Variants in DLC1 observed in about 807,000 individuals in gnomAD.
DLC1 encodes the protein DLC1 Rho GTPase activating protein, also known as rho GTPase-activating protein 7.
Under a neutral mutation model 140.3 loss-of-function variants are expected in DLC1, and 54 were observed. That is an observed-to-expected ratio of 0.38 (90% CI 0.31 to 0.48). The LOEUF (loss-of-function observed/expected upper bound fraction) is 0.48. Among genes scored for constraint, DLC1 ranks in the 20% least tolerant of loss-of-function variants. The pLI is 0.96. For missense variants in DLC1, 2,536 were observed against 1,907.0 expected (o/e 1.33, Z -6.14); for synonymous variants, 986 against 728.1 (o/e 1.35, Z -5.70).
intron 4 of DLC1, among the ~76,000 whole-genome samples, chr8:13,331,574 G>A (rs1427415466): frequency 6.6e-6 from 1 of 152,042 alleles, no homozygotes; most frequent in East Asian, 1.9e-4. Context: ...TGAATTCTGT[G>A]CACCATATAA....
intron 1 of DLC1, among the ~76,000 whole-genome samples, chr8:13,550,725 A>C (rs1803817280): frequency 6.6e-6 from 1 of 152,100 alleles, no homozygotes; most frequent in African/African-American, 2.4e-5. Flanking sequence ...CGAATCATTT[A>C]AGAAGACCAG....
At chr8:13,487,841 G>A (rs1383337734) in intron 2 of DLC1, among the ~76,000 whole-genome samples, 1 of 152,168 alleles carries the variant, frequency 6.6e-6, no homozygotes, top group Non-Finnish European at 1.5e-5. Context: ...AAAGTGCTGG[G>A]ATTACAGGCG....
At chr8:13,225,415 C>T (rs1828748803) in intron 5 of DLC1, among the ~76,000 whole-genome samples, 1 of 152,092 alleles carries the variant, frequency 6.6e-6, no homozygotes, top group South Asian at 2.1e-4. Context: ...GGGCAAATAT[C>T]TCATTCACCC....
intron 9 of DLC1, 97 bp downstream of exon 9, chr8:13,099,250 G>T (rs542147572): frequency 1.3e-6 from 2 of 1,506,226 alleles, no homozygotes; most frequent in Admixed American, 4.7e-5. Context: ...GGCTAAGAAT[G>T]CCAGACTTAA....
rs1451380078 is a variant in DLC1 at position 13,426,199 on chromosome 8, G to A, written c.1024-24580C>T. ...GTCCATGCTTAATATTCCAAATATTGTCTCTTAAATGACAGTTTTCTTTTG... is the reference window on the plus strand; with the variant it reads ...GTCCATGCTTAATATTCCAAATATTATCTCTTAAATGACAGTTTTCTTTTG... On this transcript the variant is annotated intron_variant, in intron 2 of 17. Transcript: ENST00000276297. 2.3e-5 allele frequency among the ~76,000 whole-genome samples: 3 copies of A among 130,556 alleles called. 1 individual carries two copies. The highest frequency in any genetic ancestry group is 5.2e-5 in the Non-Finnish European group (3 of 57,588). 85.6% of individuals were successfully genotyped at this position (130,556 alleles called of 152,430 possible). A position where few individuals can be genotyped will look rare whatever the true frequency, so the allele number is the denominator to read the frequency against.
chr8:13,330,312 T>C (rs958457568), intron 4 of DLC1, among the ~76,000 whole-genome samples: 1 of 152,142 alleles, frequency 6.6e-6, no homozygotes, highest in Admixed American at 6.5e-5. Flanking sequence ...ACTCATCTGA[T>C]ATCAAAATAA....
upstream of DLC1, among the ~76,000 whole-genome samples, chr8:13,517,787 C>T (rs951898042): frequency 6.6e-6 from 1 of 152,230 alleles, no homozygotes; most frequent in African/African-American, 2.4e-5. Context: ...CCAAAACTAA[C>T]AGCTTTTGTG....
chr8:13,501,196 A>T (rs971624364), intron 1 of DLC1, among the ~76,000 whole-genome samples: 4 of 152,196 alleles, frequency 2.6e-5, no homozygotes, highest in Non-Finnish European at 5.9e-5. Flanking sequence ...TTTAGTTTGC[A>T]TATTTCTGTT....
At chr8:13,459,470 G>A (rs60613739) in intron 2 of DLC1, among the ~76,000 whole-genome samples, 9,464 of 152,242 alleles carry the variant, frequency 0.062, 669 homozygotes, top group African/African-American at 0.17. Flanking sequence ...GCTGTATAAT[G>A]ACCAAGTAAC....
At chr8:13,518,756 C>T (rs892365858), upstream of DLC1, among the ~76,000 whole-genome samples, 11 of 151,936 alleles carry the variant, frequency 7.2e-5, no homozygotes, top group East Asian at 3.9e-4. Context: ...AGAATAAATA[C>T]CTTGAAAGTA....
At chr8:13,452,542 T>C (rs1799114867) in intron 2 of DLC1, among the ~76,000 whole-genome samples, 1 of 152,238 alleles carries the variant, frequency 6.6e-6, no homozygotes, top group Non-Finnish European at 1.5e-5. Flanking sequence ...ATAACTATCA[T>C]AGAACTATCA....
Position 13,095,328 on chromosome 8 carries a change from C to G in DLC1, c.3168-83G>C. The G allele has an allele frequency of 5.2e-6, 8 of 1,546,334 alleles. No individual in the cohort carries two copies. In the South Asian group the frequency reaches 9.3e-5, roughly 18 times the overall value. The stretch of plus-strand genomic sequence containing the variant: ...CACTTGTCCAATTCTGCAGGCAAAC[C>G]CTGTGGGCTCCAGATCTGTGCTAAT... On this transcript the variant is annotated intron_variant, in intron 10 of 17. Transcript: ENST00000276297.
intron 5 of DLC1, among the ~76,000 whole-genome samples, chr8:13,125,958 T>C (rs561554993): frequency 6.6e-6 from 1 of 152,240 alleles, no homozygotes; most frequent in South Asian, 2.1e-4. Flanking sequence ...AGTGACACTT[T>C]AGCCATGTAG....
intron 4 of DLC1, among the ~76,000 whole-genome samples, chr8:13,376,251 A>C (rs147404050): frequency 3.5e-4 from 53 of 152,328 alleles, no homozygotes; most frequent in African/African-American, 1.2e-3. Context: ...ACAGCAATGC[A>C]TGCAGTTATT....
chr8:13,120,467 T>A (rs1820966015), intron 5 of DLC1, among the ~76,000 whole-genome samples: 1 of 151,138 alleles, frequency 6.6e-6, no homozygotes, highest in Non-Finnish European at 1.5e-5. Flanking sequence ...TATATTACTT[T>A]GGACACGTTT....
rs149834564 is a variant in DLC1 at position 13,110,604 on chromosome 8, G to A, written c.1502+138C>T. 3 of 771,890 alleles carry A rather than the reference G, an allele frequency of 3.9e-6. No homozygotes were observed. The South Asian group carries it at 5.5e-5, about 14-fold the overall frequency. The allele number at this position is 771,890 out of a possible 1,614,324, so 47.8% of individuals were successfully genotyped here. On this transcript the variant is annotated intron_variant, in intron 7 of 17. Transcript: ENST00000276297. ...ATTTTACTTAGTTTTTAATTAAAAG[G>A]TCTATGATCACTCTATGGTTTGCCA...
Position 13,453,556 on chromosome 8 carries a change from A to AT in DLC1, c.1023+45492dup, listed in dbSNP as rs370075708. On this transcript the variant is annotated intron_variant, in intron 2 of 17. Coordinates refer to ENST00000276297, the MANE Select transcript of DLC1 (RefSeq NM_182643.3). ...TATATATACATATATATATATATATATTTTTTTTTTTTTTTTTTCAGATAG... is the reference window on the plus strand; with the variant it reads ...TATATATACATATATATATATATATATTTTTTTTTTTTTTTTTTTCAGATAG... Among the ~76,000 whole-genome samples, 255 of 26,898 alleles carry AT rather than the reference A, an allele frequency of 9.5e-3. 10 individuals are homozygous for AT. The highest frequency in any genetic ancestry group is 0.021 in the South Asian group (15 of 714). 17.6% of individuals were successfully genotyped at this position (26,898 alleles called of 152,430 possible).
intron 5 of DLC1, among the ~76,000 whole-genome samples, chr8:13,180,879 G>A (rs1825992256): frequency 1.3e-5 from 2 of 152,078 alleles, no homozygotes; most frequent in South Asian, 4.1e-4. Context: ...CAGACATAAA[G>A]TATATATGAG....
intron 5 of DLC1, among the ~76,000 whole-genome samples, chr8:13,184,741 G>T (rs955663635): frequency 6.6e-6 from 1 of 152,184 alleles, no homozygotes; most frequent in Non-Finnish European, 1.5e-5. Flanking sequence ...TTTAGAATAA[G>T]TGTGATGTGA....
Sources: gnomAD v4.1 joint callset for allele counts (sites outside exome capture counted in the v4.1 genomes callset) on GRCh38, gnomAD v4.1.1 for gene constraint, MANE v1.5 for transcripts, NCBI Gene and HGNC (gene_info 2026-07-23, HGNC 2026-07-21) for gene names.